PLIN3: variants seen among roughly 807,000 people sequenced by gnomAD.
PLIN3 encodes perilipin 3, also known as perilipin-3.
A neutral mutation model predicts 35.9 loss-of-function variants in PLIN3; 30 were observed. The observed-to-expected ratio is 0.84, with a 90% CI of 0.62 to 1.13. PLIN3 has a LOEUF of 1.13. Ranked by LOEUF, PLIN3 falls within the 50% of genes most tolerant of loss-of-function variation. The pLI is 0.00. For missense variants in PLIN3, 603 were observed against 596.9 expected (o/e 1.01, Z -0.11); for synonymous variants, 261 against 262.5 (o/e 0.99, Z 0.06).
intron 1 of PLIN3, among the ~76,000 whole-genome samples, chr19:4,866,103 C>T (rs1193469926): frequency 1.3e-5 from 2 of 149,720 alleles, no homozygotes; most frequent in East Asian, 2.0e-4. Flanking sequence ...GTGTAACCTC[C>T]ATCTCCCAGG....
intron 7 of PLIN3, among the ~76,000 whole-genome samples, chr19:4,841,470 G>A (rs1599156292): frequency 6.6e-6 from 1 of 152,156 alleles, no homozygotes; most frequent in East Asian, 1.9e-4. Context: ...GGCAGTGACT[G>A]CTGATGGGAA....
chr19:4,847,432 C>T (rs1034255092), intron 6 of PLIN3, among the ~76,000 whole-genome samples: 11 of 152,064 alleles, frequency 7.2e-5, no homozygotes, highest in Admixed American at 6.6e-4. Flanking sequence ...TGGACTCATG[C>T]GATCCTCCTG....
chr19:4,862,339 G>A (rs1347539632), intron 1 of PLIN3, among the ~76,000 whole-genome samples: 2 of 151,712 alleles, frequency 1.3e-5, no homozygotes, highest in African/African-American at 2.4e-5. Context: ...TCACCATGTT[G>A]GCCAGGATGG....
Position 4,844,709 on chromosome 19 carries a change from T to A in PLIN3, c.919A>T (p.Lys307Ter). The change falls in exon 7 of 8, where the codon AAG becomes TAG. Residue 307 changes from lysine (K) to a stop codon, truncating the protein, a stop_gained. Coordinates refer to ENST00000221957, the MANE Select transcript of PLIN3 (RefSeq NM_005817.5). LOFTEE classifies it low-confidence loss of function (END_TRUNC). ...TCCTTCTCGGGGCCCTGGAGCTGCT[T>A]CTGGTTCCAGCTGAGCCACATCTGG... Reference protein sequence around the residue: ...LHQMWLSWNQKQLQGPEKEPP... With the variant: ...LHQMWLSWNQ The A allele has an allele frequency of 6.2e-7, 1 of 1,609,302 alleles. No homozygotes were observed. Among genetic ancestry groups the A allele is most frequent in the Non-Finnish European group, 8.5e-7 (1 of 1,178,136 alleles).
At chr19:4,861,168 G>T (rs1210100460) in intron 2 of PLIN3, among the ~76,000 whole-genome samples, 161 bp downstream of exon 2, 1 of 152,104 alleles carries the variant, frequency 6.6e-6, no homozygotes, top group Admixed American at 6.6e-5. Flanking sequence ...CCCAACTGGG[G>T]ACACCAGTGA....
intron 3 of PLIN3, 50 bp from the exon 4 acceptor site, chr19:4,859,722 T>G: frequency 6.2e-7 from 1 of 1,601,160 alleles, no homozygotes; most frequent in Non-Finnish European, 8.6e-7. Context: ...GGTCACCTAG[T>G]AATGGTTCAG....
intron 2 of PLIN3, among the ~76,000 whole-genome samples, chr19:4,860,605 A>G (rs1473782484): frequency 6.6e-6 from 1 of 152,156 alleles, no homozygotes; most frequent in African/African-American, 2.4e-5. Flanking sequence ...CATGGCAGTT[A>G]GGGTCTAAAC....
chr19:4,852,253 G>T lies in PLIN3; in HGVS notation c.397C>A (p.Gln133Lys). Residue 133 changes from glutamine to lysine, a missense_variant, in exon 5 of 8, where the codon CAA becomes AAA. Physicochemically the swap from Gln to Lys is moderately conservative, Grantham distance 53. Coordinates refer to ENST00000221957, the MANE Select transcript of PLIN3 (RefSeq NM_005817.5). ...ELVSSKVSGA[Q>K]EMVSSAKDTV... is the part of the protein sequence containing the mutation. ...TCCTTGGCGCTAGACACCATCTCTT[G>T]GGCCCCCGACACCTTAGACGACACA... The T allele has an allele frequency of 6.2e-7, 1 of 1,607,408 alleles. No individual in the cohort carries two copies.
chr19:4,866,334 C>T (rs1397770435), intron 1 of PLIN3, among the ~76,000 whole-genome samples: 1 of 152,070 alleles, frequency 6.6e-6, no homozygotes, highest in African/African-American at 2.4e-5. Flanking sequence ...GGGTTCTAAT[C>T]CCAGCTTGGC....
Position 4,841,085 on chromosome 19 carries a change from T to A in PLIN3, c.961-1549A>T, listed in dbSNP as rs2029883922. ...ACAGTCTAGCGGTTACTCAAAATGTTAAACCATAGAATCATCATATGACTC... is the reference window on the plus strand; with the variant it reads ...ACAGTCTAGCGGTTACTCAAAATGTAAAACCATAGAATCATCATATGACTC... On this transcript the variant is annotated intron_variant, in intron 7 of 7. Coordinates refer to ENST00000221957, the MANE Select transcript of PLIN3 (RefSeq NM_005817.5). 3.3e-5 allele frequency among the ~76,000 whole-genome samples: 5 copies of A among 152,180 alleles called. No individual in the cohort carries two copies. The South Asian group carries it at 1.0e-3, about 31-fold the overall frequency.
rs1216557490 is a variant in PLIN3, at chr19:4,839,277, T to C, written c.1220A>G (p.Tyr407Cys). The part of the protein sequence containing the change: ...AREALDHMVE[Y>C]VAQNTPVTWL... Reference sequence around the variant, plus strand: ...CGTGACAGGTGTGTTCTGGGCCACATATTCCACCATGTGGTCCAGGGCCTC... The same window carrying C: ...CGTGACAGGTGTGTTCTGGGCCACACATTCCACCATGTGGTCCAGGGCCTC... The change falls in exon 8 of 8, where the codon TAT becomes TGT. Residue 407 changes from tyrosine (Y) to cysteine (C), a missense_variant. Physicochemically the swap from Tyr to Cys is radical, Grantham distance 194 (BLOSUM62 -2). Coordinates refer to ENST00000221957, the MANE Select transcript of PLIN3 (RefSeq NM_005817.5). The C allele has an allele frequency of 6.2e-7, 1 of 1,614,104 alleles. No homozygotes were observed. Among genetic ancestry groups the C allele is most frequent in the Non-Finnish European group, 8.5e-7 (1 of 1,180,030 alleles).
intron 1 of PLIN3, 23 bp from the exon 2 acceptor site, chr19:4,861,434 G>C (rs747627906): frequency 6.4e-7 from 1 of 1,571,224 alleles, no homozygotes; most frequent in Non-Finnish European, 8.7e-7. Flanking sequence ...GAACAGTCAG[G>C]TACAGCCTGC....
At chr19:4,856,208 G>C (rs1181965238) in intron 4 of PLIN3, among the ~76,000 whole-genome samples, 2 of 152,096 alleles carry the variant, frequency 1.3e-5, no homozygotes, top group Non-Finnish European at 2.9e-5. Context: ...TGGTACCCGA[G>C]GGTGGCCCTT....
chr19:4,859,694 C>T (rs2030601973), intron 3 of PLIN3, 22 bp from the exon 4 acceptor site: 1 of 1,612,508 alleles, frequency 6.2e-7, no homozygotes, highest in Non-Finnish European at 8.5e-7. Context: ...AATTAAGACG[C>T]AAATGTGACT....
chr19:4,865,108 C>A (rs1383904176), intron 1 of PLIN3, among the ~76,000 whole-genome samples: 1 of 152,138 alleles, frequency 6.6e-6, no homozygotes, highest in Non-Finnish European at 1.5e-5. Context: ...AGGGGAATTG[C>A]TTCAACCTGG....
At chr19:4,844,539 CATT>C in intron 7 of PLIN3, 126 bp downstream of exon 7, 1 of 988,688 alleles carries the variant, frequency 1.0e-6, no homozygotes, top group South Asian at 2.0e-5. Context: ...AAGGAGGTGT[CATT>C]AGCTTCCAAA....
At chr19:4,856,864 C>G (rs921421835) in intron 4 of PLIN3, among the ~76,000 whole-genome samples, 3 of 151,852 alleles carry the variant, frequency 2.0e-5, no homozygotes, top group Non-Finnish European at 4.4e-5. Context: ...CACCATCACG[C>G]CTGGCTGATT....
chr19:4,841,738 T>TA (rs911327766), intron 7 of PLIN3, among the ~76,000 whole-genome samples: 7 of 149,990 alleles, frequency 4.7e-5, no homozygotes, highest in Non-Finnish European at 5.9e-5. Context: ...CCATCTCTAC[T>TA]AAAAAAACAC....
chr19:4,862,457 G>A (rs2030708241), intron 1 of PLIN3, among the ~76,000 whole-genome samples: 1 of 151,952 alleles, frequency 6.6e-6, no homozygotes, highest in Admixed American at 6.6e-5. Context: ...TGTTGCCCAG[G>A]CTGGTCTCGA....
Sources: allele counts gnomAD v4.1 joint callset (sites outside exome capture counted in the v4.1 genomes callset), GRCh38; gene constraint gnomAD v4.1.1; transcripts MANE v1.5; gene names NCBI Gene and HGNC (gene_info 2026-07-23, HGNC 2026-07-21).